The following NARS2 variants were observed in gnomAD, a reference collection of about 807,000 sequenced individuals.
NARS2 encodes asparaginyl-tRNA synthetase.
NARS2 carries 60 observed loss-of-function variants against 62.9 expected under a neutral mutation model. The observed-to-expected ratio is 0.95, with a 90% confidence interval of 0.77 to 1.18. The LOEUF is 1.18. Among genes scored for constraint, NARS2 ranks in the 50% most tolerant of loss-of-function variants. The probability of loss-of-function intolerance (pLI) is 0.00; values close to 1 mark genes in which losing one functional copy is unlikely to be tolerated. For synonymous variants in NARS2, 196 were observed against 200.0 expected (o/e 0.98, Z 0.17); for missense variants, 619 against 576.4 (o/e 1.07, Z -0.76).
At chr11:78,508,595 AAAAAC>A in intron 6 of NARS2, among the ~76,000 whole-genome samples, 1 of 151,530 alleles carries the variant, frequency 6.6e-6, no homozygotes, top group African/African-American at 2.4e-5. Context: ...CTCAAAAAAA[AAAAAC>A]AAAAAACAAA....
chr11:78,480,002 G>A (rs953630133), intron 7 of NARS2, among the ~76,000 whole-genome samples: 3 of 152,110 alleles, frequency 2.0e-5, no homozygotes, highest in South Asian at 2.1e-4. Flanking sequence ...GGGATCAAGC[G>A]ATCCTCCTGC....
At chr11:78,543,002 C>G (rs1487814889) in intron 5 of NARS2, among the ~76,000 whole-genome samples, 1 of 152,144 alleles carries the variant, frequency 6.6e-6, no homozygotes, top group African/African-American at 2.4e-5. Flanking sequence ...TTGCCCTTTA[C>G]CTCTGGCTGT....
At chr11:78,535,772 C>T (rs1203435831) in intron 5 of NARS2, among the ~76,000 whole-genome samples, 1 of 151,986 alleles carries the variant, frequency 6.6e-6, no homozygotes, top group Non-Finnish European at 1.5e-5. Flanking sequence ...CATGCACCAC[C>T]ACGCCTTGCT....
chr11:78,495,014 G>A (rs996419077), intron 6 of NARS2, among the ~76,000 whole-genome samples: 4 of 152,062 alleles, frequency 2.6e-5, no homozygotes, highest in Non-Finnish European at 5.9e-5. Flanking sequence ...TATCTCCACA[G>A]CTATTGTCAG....
intron 6 of NARS2, among the ~76,000 whole-genome samples, chr11:78,511,384 C>T (rs116239110): frequency 0.011 from 1,636 of 152,238 alleles, 32 homozygotes; most frequent in African/African-American, 0.039. Context: ...CAGCCTAATT[C>T]TATATCTTGA....
intron 6 of NARS2, among the ~76,000 whole-genome samples, chr11:78,513,615 T>C (rs1418114268): frequency 1.3e-5 from 2 of 151,872 alleles, no homozygotes; most frequent in Non-Finnish European, 2.9e-5. Flanking sequence ...ACGTCTCTAC[T>C]AAATATACAA....
chr11:78,548,791 TA>T (rs917049811), intron 5 of NARS2, among the ~76,000 whole-genome samples: 6 of 152,004 alleles, frequency 3.9e-5, no homozygotes, highest in African/African-American at 1.2e-4. Context: ...AAATGTTATT[TA>T]AAAAAAAATT....
chr11:78,559,422 G>T (rs1856482175), intron 5 of NARS2, 117 bp downstream of exon 5: 11 of 588,556 alleles, frequency 1.9e-5, no homozygotes, highest in East Asian at 6.5e-5. Context: ...GATTTTTATT[G>T]ACAATTTCAG....
At chr11:78,568,838 T>C (rs1186748340) in intron 2 of NARS2, 86 bp from the exon 3 acceptor site, 3 of 1,111,148 alleles carry the variant, frequency 2.7e-6, no homozygotes, top group South Asian at 3.2e-5. Context: ...AATATTAAAA[T>C]ACTTAATGAC....
intron 7 of NARS2, among the ~76,000 whole-genome samples, chr11:78,485,054 C>T (rs1007113071): frequency 9.9e-5 from 15 of 152,150 alleles, no homozygotes; most frequent in African/African-American, 3.4e-4. Context: ...TACCATGCAG[C>T]CATAAAAAGA....
intron 11 of NARS2, among the ~76,000 whole-genome samples, chr11:78,450,253 T>A (rs540105051): frequency 1.5e-4 from 23 of 152,218 alleles, no homozygotes; most frequent in Non-Finnish European, 3.1e-4. Context: ...GGAAGAACAG[T>A]AGTTCTCCTA....
intron 7 of NARS2, among the ~76,000 whole-genome samples, chr11:78,480,246 G>C (rs1313750076): frequency 6.6e-6 from 1 of 151,910 alleles, no homozygotes; most frequent in South Asian, 2.1e-4. Flanking sequence ...CTGCATTCCT[G>C]GTTTATTTTC....
At chr11:78,519,693 T>C (rs1590807276) in intron 6 of NARS2, among the ~76,000 whole-genome samples, 1 of 150,304 alleles carries the variant, frequency 6.7e-6, no homozygotes, top group Non-Finnish European at 1.5e-5. Context: ...TACCCAATTT[T>C]AGTTGTTGAG....
chr11:78,497,482 A>G (rs963663688), intron 6 of NARS2, among the ~76,000 whole-genome samples: 3 of 151,928 alleles, frequency 2.0e-5, no homozygotes, highest in Non-Finnish European at 4.4e-5. Flanking sequence ...CTTTCACTAC[A>G]CCCTTCCCAA....
intron 11 of NARS2, among the ~76,000 whole-genome samples, chr11:78,446,213 T>C (rs1857754795): frequency 6.6e-6 from 1 of 152,226 alleles, no homozygotes; most frequent in African/African-American, 2.4e-5. Context: ...AAACTTTTGA[T>C]TGAGATATAC....
At chr11:78,567,177 T>G (rs954862626) in intron 3 of NARS2, among the ~76,000 whole-genome samples, 8 of 152,124 alleles carry the variant, frequency 5.3e-5, no homozygotes, top group African/African-American at 1.7e-4. Context: ...AAGAATATAG[T>G]AGTCCCCCAC....
Position 78,574,560 on chromosome 11 carries a change from C to G in NARS2, c.-72G>C, listed in dbSNP as rs1478646837. 6.8e-7 allele frequency: 1 copy of G among 1,474,018 alleles called. No individual in the cohort carries two copies. The highest frequency in any genetic ancestry group is 1.4e-5 in the African/African-American group (1 of 70,932). 91.3% of individuals were successfully genotyped at this position (1,474,018 alleles called of 1,614,324 possible). ...TTCGAACCCCGCCTGCAGCGGCCCT[C>G]CTTTCTCAGCTGCTCCCCTTCCGCG... On this transcript the variant is annotated 5_prime_UTR_variant, in exon 1 of 14. Coordinates refer to ENST00000281038, the MANE Select transcript of NARS2 (RefSeq NM_024678.6).
In NARS2 at chr11:78,574,556, C is replaced by G. The variant is rs916218900; in HGVS notation, c.-68G>C. 1 of 1,492,794 alleles carries G rather than the reference C, an allele frequency of 6.7e-7. No homozygotes were observed. Among genetic ancestry groups the G allele is most frequent in the Non-Finnish European group, 8.9e-7 (1 of 1,120,962 alleles). The allele number at this position is 1,492,794 out of a possible 1,614,324, so 92.5% of individuals were successfully genotyped here. A position where few individuals can be genotyped will look rare whatever the true frequency, so the allele number is the denominator to read the frequency against. On this transcript the variant is annotated 5_prime_UTR_variant, in exon 1 of 14. Coordinates refer to ENST00000281038, the MANE Select transcript of NARS2 (RefSeq NM_024678.6). ...ACGGTTCGAACCCCGCCTGCAGCGGCCCTCCTTTCTCAGCTGCTCCCCTTC... is the reference window on the plus strand; with the variant it reads ...ACGGTTCGAACCCCGCCTGCAGCGGGCCTCCTTTCTCAGCTGCTCCCCTTC...
intron 6 of NARS2, among the ~76,000 whole-genome samples, chr11:78,519,150 A>G (rs1861020693): frequency 6.6e-6 from 1 of 152,232 alleles, no homozygotes; most frequent in Admixed American, 6.5e-5. Context: ...GCTTTAACTC[A>G]GATTCACATG....
Sources: gnomAD v4.1 joint callset for allele counts (sites outside exome capture counted in the v4.1 genomes callset) on GRCh38, gnomAD v4.1.1 for gene constraint, MANE v1.5 for transcripts, NCBI Gene and HGNC (gene_info 2026-07-23, HGNC 2026-07-21) for gene names.